HID1: variants seen among roughly 807,000 people sequenced by gnomAD.
HID1 encodes the protein HID1 domain containing, also known as protein HID1.
In HID1, 42 loss-of-function variants were observed where a neutral mutation model predicts 89.7. The ratio of observed to expected loss-of-function variants is 0.47; its 90% CI spans 0.37 to 0.61. The LOEUF (loss-of-function observed/expected upper bound fraction) is 0.61, where lower values mean the gene tolerates loss of function less well. Among genes scored for constraint, HID1 ranks in the 20% least tolerant of loss-of-function variants. The pLI, the probability that HID1 is intolerant of heterozygous loss-of-function variation, is 0.00. For synonymous variants in HID1, 442 were observed against 433.8 expected, an observed-to-expected ratio of 1.02 and a Z score of -0.24; for missense variants, 854 against 1,039.3, an observed-to-expected ratio of 0.82 and a Z score of 2.45.
chr17:74,954,386 T>C, intron 13 of HID1, 21 bp from the exon 14 acceptor site: 1 of 1,552,690 alleles, frequency 6.4e-7, no homozygotes, highest in African/African-American at 1.4e-5. Context: ...GGAGCATGCC[T>C]CGCCTCAGGG....
Position 74,953,514 on chromosome 17 carries a change from A to G in HID1, c.1971+31T>C, listed in dbSNP as rs371658753. ...CCAGGGAGGAAGGGAAGGGCCAGCC[A>G]CGCCCGGCTCCAGGAGTCCCCGTCA... is the stretch of plus-strand genomic sequence containing the variant. On this transcript the variant is annotated intron_variant, in intron 15 of 18. Coordinates refer to ENST00000425042, the MANE Select transcript of HID1 (RefSeq NM_030630.3). The G allele has an allele frequency of 4.9e-5, 78 of 1,586,308 alleles. No individual in the cohort carries two copies. The African/African-American group carries it at 9.7e-4, about 20-fold the overall frequency.
Position 74,959,147 on chromosome 17 carries a change from C to G in HID1, c.1009-96G>C. The G allele has an allele frequency of 7.3e-7, 1 of 1,372,422 alleles. No individual in the cohort carries two copies. Among genetic ancestry groups the G allele is most frequent in the Non-Finnish European group, 9.6e-7 (1 of 1,039,016 alleles). The allele number at this position is 1,372,422 out of a possible 1,614,324, so 85.0% of individuals were successfully genotyped here. On this transcript the variant is annotated intron_variant, in intron 8 of 18. Coordinates refer to ENST00000425042, the MANE Select transcript of HID1 (RefSeq NM_030630.3). The surrounding 1 kb of genome is among the most constrained non-coding windows in gnomAD (Gnocchi z 4.6). ...CCCAACAAATCCCCCCCTCCATCCC[C>G]CAGAGCCAGATCCCACCTCCAGAGC...
chr17:74,954,551 T>A (rs2039360038), intron 13 of HID1, 186 bp from the exon 14 acceptor site: 2 of 1,000,860 alleles, frequency 2.0e-6, no homozygotes, highest in Admixed American at 5.0e-5. Flanking sequence ...GTGTGCCCAC[T>A]ATGGCTATCC....
intron 12 of HID1, among the ~76,000 whole-genome samples, chr17:74,956,813 G>A (rs1169233706): frequency 2.0e-5 from 3 of 152,224 alleles, no homozygotes; most frequent in Non-Finnish European, 2.9e-5. Context: ...CAGGGAGCCT[G>A]GCTCCTTCTG....
rs765061495 is a variant in HID1, at chr17:74,962,955, G to T, written c.504+10C>A. 4 of 1,591,986 alleles carry T rather than the reference G, an allele frequency of 2.5e-6. No homozygotes were observed. Among genetic ancestry groups the T allele is most frequent in the South Asian group, 1.1e-5 (1 of 90,164 alleles). The stretch of plus-strand genomic sequence containing the variant: ...CTCCGCCTGGGGGTGGGGGGCTGGG[G>T]GACACTCACCACAGTGCTCCTCCGG... On this transcript the variant is annotated intron_variant, in intron 4 of 18. Transcript: ENST00000425042. This position sits in a 1 kb window ranked among gnomAD's most constrained non-coding sequence, Gnocchi z 4.3.
intron 3 of HID1, 150 bp from the exon 4 acceptor site, chr17:74,963,231 C>A: frequency 1.7e-6 from 1 of 580,646 alleles, no homozygotes; most frequent in South Asian, 2.2e-5. Flanking sequence ...TCCTGGTTGC[C>A]CCAAACCTCC....
intron 6 of HID1, 70 bp downstream of exon 6, chr17:74,961,803 C>A: frequency 2.1e-6 from 2 of 936,790 alleles, no homozygotes; most frequent in Non-Finnish European, 3.1e-6. Flanking sequence ...CCAGAGCTGG[C>A]GAATGGACTC....
At chr17:74,953,499 A>T in intron 15 of HID1, 46 bp downstream of exon 15, 1 of 1,515,290 alleles carries the variant, frequency 6.6e-7, no homozygotes, top group South Asian at 1.1e-5. Context: ...CCAGGGAGGA[A>T]GGGAAGGGCC....
At position 74,951,975 on chromosome 17, in the gene HID1, G is replaced by T; in HGVS notation, c.2233C>A (p.Arg745Ser). ...GTGCCCGAGTTGGCCTGGTACTTGC[G>T]GATGAGGATGGGGTGGGGCACGGGC... ...LLPVPHPILI[R>S]KYQANSGTAM... is the part of the protein sequence containing the mutation. The change falls in exon 18 of 19, where the codon CGC becomes AGC. Residue 745 changes from arginine (R) to serine (S), a missense_variant. Physicochemically the swap from Arg to Ser is moderately radical, Grantham distance 110. Coordinates refer to ENST00000425042, the MANE Select transcript of HID1 (RefSeq NM_030630.3). The T allele has an allele frequency of 6.4e-7, 1 of 1,562,458 alleles. No homozygotes were observed. The highest frequency in any genetic ancestry group is 2.3e-5 in the East Asian group (1 of 43,056).
rs1301607236 is a variant in HID1 at position 74,958,020 on chromosome 17, C to T, written c.1471+121G>A. The T allele has an allele frequency of 7.4e-6, 6 of 807,966 alleles. No individual in the cohort carries two copies. In the East Asian group the frequency reaches 1.6e-4, roughly 22 times the overall value. The allele number at this position is 807,966 out of a possible 1,614,324, so 50.0% of individuals were successfully genotyped here. On this transcript the variant is annotated intron_variant, in intron 12 of 18. Transcript: ENST00000425042. The surrounding 1 kb of genome is among the most constrained non-coding windows in gnomAD (Gnocchi z 5.2). ...TTTAATGTGGCTACTATGAAGGGTA[C>T]ACAAGCTTGCGTTCTTTCTGTGGGC...
Position 74,952,033 on chromosome 17 carries a change from C to A in HID1, c.2175G>T (p.Arg725=). 2 of 1,558,858 alleles carry A rather than the reference C, an allele frequency of 1.3e-6. No individual in the cohort carries two copies. The highest frequency in any genetic ancestry group is 1.7e-6 in the Non-Finnish European group (2 of 1,150,872). Residue 725 remains arginine, a synonymous_variant, in exon 18 of 19, where the codon CGG becomes CGT. Coordinates refer to ENST00000425042, the MANE Select transcript of HID1 (RefSeq NM_030630.3). Reference sequence around the variant, plus strand: ...CCACCAGGGTGCCATGCTGCAGGAACCGCAGGATCTCAGACTCATCCGTCA... The same window carrying A: ...CCACCAGGGTGCCATGCTGCAGGAAACGCAGGATCTCAGACTCATCCGTCA... ...KGLTDESEIL[R]FLQHGTLVGL...
chr17:74,953,121 T>A, intron 15 of HID1, 35 bp from the exon 16 acceptor site: 1 of 1,489,856 alleles, frequency 6.7e-7, no homozygotes, highest in Non-Finnish European at 9.2e-7. Context: ...TGAGGGATGG[T>A]GGCGGTGGGT....
intron 18 of HID1, 106 bp from the exon 19 acceptor site, chr17:74,951,739 TGTCCCACCCTGGGCA>T (rs2039303143): frequency 1.5e-6 from 2 of 1,378,190 alleles, no homozygotes; most frequent in South Asian, 2.6e-5. Flanking sequence ...TCCATCCCGA[TGTCCCACCCTGGGCA>T]GCGGGTGCCA....
intron 7 of HID1, 25 bp downstream of exon 7, chr17:74,960,001 G>A (rs752536325): frequency 2.5e-6 from 4 of 1,613,176 alleles, no homozygotes; most frequent in Non-Finnish European, 3.4e-6. Flanking sequence ...CCCGGCAGCT[G>A]TCCCTTCCAT....
chr17:74,959,294 T>A lies in HID1; in HGVS notation c.1009-243A>T, dbSNP rs1348347521. Among the ~76,000 whole-genome samples, 1 of 152,154 alleles carries A rather than the reference T, an allele frequency of 6.6e-6. No homozygotes were observed. Among genetic ancestry groups the A allele is most frequent in the Non-Finnish European group, 1.5e-5 (1 of 68,030 alleles). On this transcript the variant is annotated intron_variant, in intron 8 of 18. Transcript: ENST00000425042. This position sits in a 1 kb window ranked among gnomAD's most constrained non-coding sequence, Gnocchi z 4.6. ...GACTGCAGACTCTCTGTCCTTGGGCTGTGCGCCCCTTGAGCAAGGCTGCTG... is the reference window on the plus strand; with the variant it reads ...GACTGCAGACTCTCTGTCCTTGGGCAGTGCGCCCCTTGAGCAAGGCTGCTG...
rs2039490643 is a variant in HID1 at position 74,962,116 on chromosome 17, A to C, written c.611+118T>G. On this transcript the variant is annotated intron_variant, in intron 5 of 18. Transcript: ENST00000425042. This position sits in a 1 kb window ranked among gnomAD's most constrained non-coding sequence, Gnocchi z 4.3. ...ACTCCCGTTGACCCCTGTAAGGTCAAGGTCGGGTCATAGGTGAGGACGGTC... is the reference window on the plus strand; with the variant it reads ...ACTCCCGTTGACCCCTGTAAGGTCACGGTCGGGTCATAGGTGAGGACGGTC... 8.9e-7 allele frequency: 1 copy of C among 1,127,004 alleles called. No individual in the cohort carries two copies. The highest frequency in any genetic ancestry group is 1.3e-6 in the Non-Finnish European group (1 of 788,498). 69.8% of individuals were successfully genotyped at this position (1,127,004 alleles called of 1,614,324 possible).
intron 1 of HID1, among the ~76,000 whole-genome samples, chr17:74,969,625 A>C (rs2039614861): frequency 2.0e-5 from 3 of 151,280 alleles, no homozygotes; most frequent in Admixed American, 6.6e-5. Context: ...TTTTTGAGTC[A>C]GGGTCTTGCT....
rs901435931 is a variant in HID1 at position 74,966,141 on chromosome 17, T to C, written c.67-1509A>G. Among the ~76,000 whole-genome samples the C allele has an allele frequency of 2.7e-5, 4 of 150,558 alleles. No homozygotes were observed. The South Asian group carries it at 6.3e-4, about 24-fold the overall frequency. ...CTCTACTAAAAACACTAAAATTAGCTGGGCATGGTGACGGGTGCCTGTAAT... is the reference window on the plus strand; with the variant it reads ...CTCTACTAAAAACACTAAAATTAGCCGGGCATGGTGACGGGTGCCTGTAAT... On this transcript the variant is annotated intron_variant, in intron 1 of 18. Transcript: ENST00000425042.
chr17:74,952,579 G>A (rs1458327558), intron 16 of HID1, among the ~76,000 whole-genome samples: 3 of 152,184 alleles, frequency 2.0e-5, no homozygotes, highest in East Asian at 1.9e-4. Flanking sequence ...CGTGCCTCTC[G>A]GGAGACTGTG....
Sources: allele counts gnomAD v4.1 joint callset (sites outside exome capture counted in the v4.1 genomes callset), GRCh38; gene constraint gnomAD v4.1.1; non-coding constraint Gnocchi (gnomAD v3.1); transcripts MANE v1.5; gene names NCBI Gene and HGNC (gene_info 2026-07-23, HGNC 2026-07-21).